Variants in APOB observed in about 807,000 individuals in gnomAD.
The protein encoded by APOB is apolipoprotein B-100.
APOB carries 153 observed loss-of-function variants against 314.1 expected under a neutral mutation model. The ratio of observed to expected loss-of-function variants is 0.49; its 90% CI spans 0.43 to 0.56. The LOEUF is 0.56. Among genes scored for constraint, APOB ranks in the 20% least tolerant of loss-of-function variants. The pLI is 0.00. For synonymous variants in APOB, 2,087 were observed against 2,036.4 expected (o/e 1.02, Z -0.67); for missense variants, 5,430 against 5,350.7 (o/e 1.01, Z -0.46).
Position 21,006,522 on chromosome 2 carries a change from T to C in APOB, c.10346A>G (p.Lys3449Arg). The change falls in exon 26 of 29, where the codon AAG becomes AGG. Residue 3449 changes from lysine to arginine, a missense_variant. Lys to Arg is a conservative substitution (Grantham distance 26, BLOSUM62 2). Transcript: ENST00000233242. ...NFKQELNGNT[K>R]SKPTVSSSME... ...GGAGGAAGAGACAGTAGGTTTTGAC[T>C]TGGTATTTCCATTAAGTTCTTGCTT... The C allele has an allele frequency of 1.2e-6, 2 of 1,614,142 alleles. No homozygotes were observed. Among genetic ancestry groups the C allele is most frequent in the South Asian group, 2.2e-5 (2 of 91,080 alleles).
chr2:21,003,396 C>G (rs1663049452), intron 28 of APOB, 62 bp from the exon 29 acceptor site: 2 of 1,395,838 alleles, frequency 1.4e-6, no homozygotes. Context: ...CAATATAGTA[C>G]ACTAAAACTT....
rs1458765902 is a variant in APOB at position 21,004,423 on chromosome 2, A to G, written c.11933T>C (p.Ile3978Thr). Residue 3978 changes from isoleucine to threonine, a missense_variant, in exon 28 of 29, where the codon ATC (isoleucine) becomes ACC (threonine). Transcript: ENST00000233242. ...QEWEGKAHLN[I>T]KSPAFTDLHL... The stretch of plus-strand genomic sequence containing the variant: ...GAGATCGGTGAACGCTGGGCTTTTG[A>G]TATTGAGGTGCGCTTTTCCTTCCCA... The G allele has an allele frequency of 1.2e-6, 2 of 1,613,976 alleles. No homozygotes were observed. The highest frequency in any genetic ancestry group is 3.3e-5 in the Admixed American group (2 of 59,994).
chr2:21,039,319 G>C (rs12720797), intron 4 of APOB, among the ~76,000 whole-genome samples: 1 of 152,176 alleles, frequency 6.6e-6, no homozygotes, highest in Non-Finnish European at 1.5e-5. Context: ...ACATTAATTC[G>C]CATTTCTTGA....
At chr2:21,017,473 G>A (rs1293903193) in intron 20 of APOB, among the ~76,000 whole-genome samples, 1 of 152,148 alleles carries the variant, frequency 6.6e-6, no homozygotes, top group Admixed American at 6.5e-5. Context: ...GGGCACATGT[G>A]GGCAGAGACC....
rs1048793065 is a variant in APOB, at chr2:21,014,929, G to T, written c.3696+144C>A. ...ACTGGGTAACTACACACTTGTGAAA[G>T]TTTTTTTTTCTCCCCAAGAATTCCC... On this transcript the variant is annotated intron_variant, in intron 23 of 28. Coordinates refer to ENST00000233242, the MANE Select transcript of APOB (RefSeq NM_000384.3). 1.4e-4 allele frequency: 120 copies of T among 886,016 alleles called. No individual in the cohort carries two copies. In the African/African-American group the frequency reaches 1.9e-3, roughly 14 times the overall value. 54.9% of individuals were successfully genotyped at this position (886,016 alleles called of 1,614,324 possible).
intron 21 of APOB, among the ~76,000 whole-genome samples, chr2:21,015,923 T>C (rs1663451366): frequency 6.6e-6 from 1 of 152,148 alleles, no homozygotes; most frequent in Admixed American, 6.5e-5. Context: ...CCCAGCACTG[T>C]GCTTGATACA....
rs556582055 is a variant in APOB, at chr2:21,010,805, G to C, written c.6063C>G (p.Asp2021Glu). 15 of 1,614,154 alleles carry C rather than the reference G, an allele frequency of 9.3e-6. No homozygotes were observed. The highest frequency in any genetic ancestry group is 1.3e-5 in the Non-Finnish European group (15 of 1,180,006). ...GTAAAAGTGGCACTTTAATTGGGGA[G>C]TCTAGTAGAGTTAGGTCAGCCAGAG... ...GRTLADLTLLDSPIKVPLLLS... is the reference protein window; with the variant it reads ...GRTLADLTLLESPIKVPLLLS... The change falls in exon 26 of 29, where the codon GAC becomes GAG. Residue 2021 changes from aspartate (D) to glutamate (E), a missense_variant. This residue lies in a region of APOB where 3,281 missense variants were observed against 3,171.0 expected (regional missense o/e 1.03). Coordinates refer to ENST00000233242, the MANE Select transcript of APOB (RefSeq NM_000384.3).
intron 18 of APOB, among the ~76,000 whole-genome samples, chr2:21,020,541 T>C (rs1040416206): frequency 1.3e-5 from 2 of 152,204 alleles, no homozygotes; most frequent in African/African-American, 4.8e-5. Flanking sequence ...TTCATCTTCC[T>C]TGACCTCCCA....
chr2:21,003,621 C>T (rs1190025499), intron 28 of APOB, among the ~76,000 whole-genome samples: 1 of 152,008 alleles, frequency 6.6e-6, no homozygotes, highest in Non-Finnish European at 1.5e-5. Flanking sequence ...GGACTGAAAA[C>T]TGGAAGAGGA....
Position 21,012,305 on chromosome 2 carries a change from C to T in APOB, c.4563G>A (p.Arg1521=), listed in dbSNP as rs780524483. 1 of 1,614,156 alleles carries T rather than the reference C, an allele frequency of 6.2e-7. No individual in the cohort carries two copies. Among genetic ancestry groups the T allele is most frequent in the Non-Finnish European group, 8.5e-7 (1 of 1,180,036 alleles). Residue 1521 remains arginine (R), a synonymous_variant, in exon 26 of 29, where the codon AGG becomes AGA. Coordinates refer to ENST00000233242, the MANE Select transcript of APOB (RefSeq NM_000384.3). Reference sequence around the variant, plus strand: ...TGCCTTGGAGGTAGGAGGAGTTAAACCTCAGGTTGGACTCTCCATTGAGCC... The same window carrying T: ...TGCCTTGGAGGTAGGAGGAGTTAAATCTCAGGTTGGACTCTCCATTGAGCC... ...TGRLNGESNL[R]FNSSYLQGTN...
rs754264874 is a variant in APOB, at chr2:21,006,349, G to T, written c.10519C>A (p.Arg3507=). Residue 3507 remains arginine, a synonymous_variant, in exon 26 of 29, where the codon CGG becomes AGG. Transcript: ENST00000233242. ...KGDVKGSVLS[R]EYSGTIASEA... is the part of the protein sequence containing the mutation. ...CTAGCAATAGTTCCTGAATATTCCCGAGAAAGAACCGAACCCTTGACATCT... is the reference window on the plus strand; with the variant it reads ...CTAGCAATAGTTCCTGAATATTCCCTAGAAAGAACCGAACCCTTGACATCT... 2 of 1,613,960 alleles carry T rather than the reference G, an allele frequency of 1.2e-6. No individual in the cohort carries two copies. The highest frequency in any genetic ancestry group is 3.3e-5 in the Admixed American group (2 of 59,996).
intron 4 of APOB, among the ~76,000 whole-genome samples, chr2:21,039,116 C>A (rs934591691): frequency 6.6e-6 from 1 of 152,114 alleles, no homozygotes; most frequent in Non-Finnish European, 1.5e-5. Context: ...GGGCTAGAGT[C>A]CCAAAGACTA....
At position 21,002,292 on chromosome 2, in the gene APOB, A is replaced by G. The variant is rs778174655; in HGVS notation, c.13130T>C (p.Ile4377Thr). Residue 4377 changes from isoleucine to threonine, a missense_variant, in exon 29 of 29, where the codon ATC (isoleucine) becomes ACC (threonine). Ile to Thr is a moderately conservative substitution (Grantham distance 89, BLOSUM62 -1). Transcript: ENST00000233242. ...LQEASQELQQ[I>T]HQYIMALREE... ...ACGAAGGGCCATAATGTATTGATGGATCTGCTGTAACTCTTGAGAAGCTTC... is the reference window on the plus strand; with the variant it reads ...ACGAAGGGCCATAATGTATTGATGGGTCTGCTGTAACTCTTGAGAAGCTTC... 3.5e-5 allele frequency: 57 copies of G among 1,613,820 alleles called. No individual in the cohort carries two copies. The highest frequency in any genetic ancestry group is 4.4e-5 in the Non-Finnish European group (52 of 1,179,946).
chr2:21,015,778 C>T (rs765491780), intron 21 of APOB, among the ~76,000 whole-genome samples: 5 of 152,168 alleles, frequency 3.3e-5, no homozygotes, highest in Non-Finnish European at 5.9e-5. Context: ...GAATCCTGCT[C>T]TGCTATTTAC....
chr2:21,030,062 T>A (rs747779497), intron 10 of APOB, 47 bp from the exon 11 acceptor site: 1 of 1,274,688 alleles, frequency 7.8e-7, no homozygotes, highest in South Asian at 1.2e-5. Context: ...CCCAGTTAGG[T>A]TTGTCTTAAA....
In APOB at chr2:21,002,675, TA is replaced by T; in HGVS notation, c.12746del (p.Leu4249GlnfsTer2). 1 of 1,613,924 alleles carries T rather than the reference TA, an allele frequency of 6.2e-7. No individual in the cohort carries two copies. The highest frequency in any genetic ancestry group is 8.5e-7 in the Non-Finnish European group (1 of 1,179,908). On this transcript the variant is annotated frameshift_variant, in exon 29 of 29. Transcript: ENST00000233242. LOFTEE classifies it low-confidence loss of function (END_TRUNC). ...SEILFSYFQD[L>X]VITLPFELRK... ...TTAACTCGAAAGGAAGTGTAATCAC[TA>T]GGTCTTGGAAATAGGAAAACAGTAT...
chr2:21,025,790 C>T (rs79305829), intron 15 of APOB, among the ~76,000 whole-genome samples: 2,158 of 152,270 alleles, frequency 0.014, 22 homozygotes, highest in Middle Eastern at 0.1. Context: ...TGCTAAAATG[C>T]GCTTCTGATT....
rs1042023 is a variant in APOB at position 21,006,574 on chromosome 2, G to C, written c.10294C>G (p.Gln3432Glu). 9.2e-3 allele frequency: 14,874 copies of C among 1,614,016 alleles called. 93 individuals are homozygous for C. The highest frequency in any genetic ancestry group is 0.011 in the Non-Finnish European group (13,080 of 1,179,936). ...EVSVATTTKAQIPILRMNFKQ... is the reference protein window; with the variant it reads ...EVSVATTTKAEIPILRMNFKQ... ...AAATTCATTCTCAAAATTGGAATTT[G>C]GGCTTTTGTGGTTGTTGCCACTGAC... Residue 3432 changes from glutamine (Q) to glutamate (E), a missense_variant, in exon 26 of 29, where the codon CAA becomes GAA. Transcript: ENST00000233242.
At position 21,012,185 on chromosome 2, in the gene APOB, T is replaced by G; in HGVS notation, c.4683A>C (p.Leu1561=). 1 of 1,602,126 alleles carries G rather than the reference T, an allele frequency of 6.2e-7. No homozygotes were observed. Among genetic ancestry groups the G allele is most frequent in the South Asian group, 1.1e-5 (1 of 89,212 alleles). Residue 1561 remains leucine, a synonymous_variant, in exon 26 of 29, where the codon CTA becomes CTC. Coordinates refer to ENST00000233242, the MANE Select transcript of APOB (RefSeq NM_000384.3). ...AAGTCAGCTCGTAGTTCTCATACTT[T>G]AGGGAAGCAGTATTTTTAATGATGC... The part of the protein sequence containing the change: ...QSGIIKNTAS[L]KYENYELTLK...
Sources: gnomAD v4.1 joint callset for allele counts (sites outside exome capture counted in the v4.1 genomes callset) on GRCh38, gnomAD v4.1.1 for gene constraint, gnomAD v4.1.1 regional missense constraint, MANE v1.5 for transcripts, NCBI Gene and HGNC (gene_info 2026-07-23, HGNC 2026-07-21) for gene names.